RPTOR: variants seen among roughly 807,000 people sequenced by gnomAD.
RPTOR encodes regulatory-associated protein of mTOR.
RPTOR carries 21 observed loss-of-function variants against 169.9 expected under a neutral mutation model. The observed-to-expected ratio is 0.12, with a 90% confidence interval of 0.09 to 0.18. The LOEUF is 0.18. Ranked by LOEUF, RPTOR falls within the 10% of genes least tolerant of loss-of-function variation. RPTOR has a pLI of 1.00. For synonymous variants in RPTOR, 732 were observed against 753.2 expected (o/e 0.97, Z 0.46); for missense variants, 1,133 against 1,855.9 (o/e 0.61, Z 7.16).
chr17:80,847,217 C>T (rs569449840), intron 11 of RPTOR, among the ~76,000 whole-genome samples: 12 of 152,372 alleles, frequency 7.9e-5, no homozygotes, highest in African/African-American at 2.6e-4. Context: ...CCAGTGCCCA[C>T]GGGGCCCGTG....
chr17:80,847,936 C>T (rs774791041), intron 11 of RPTOR, among the ~76,000 whole-genome samples: 1 of 152,268 alleles, frequency 6.6e-6, no homozygotes, highest in Non-Finnish European at 1.5e-5. Flanking sequence ...CGGCCATGGC[C>T]TCAGCAGCCT....
At chr17:80,964,196 C>A in intron 33 of RPTOR, 66 bp from the exon 34 acceptor site, 4 of 1,008,816 alleles carry the variant, frequency 4.0e-6, no homozygotes, top group Non-Finnish European at 6.1e-6. Flanking sequence ...TTGGCCTGCG[C>A]CCCCCCGCCC....
intron 26 of RPTOR, among the ~76,000 whole-genome samples, chr17:80,946,174 T>G (rs2069101503): frequency 6.6e-6 from 1 of 152,092 alleles, no homozygotes; most frequent in South Asian, 2.1e-4. Flanking sequence ...AGAAGTGAGT[T>G]TAACTCACAG....
chr17:80,855,002 T>C (rs2067836823), intron 11 of RPTOR, among the ~76,000 whole-genome samples: 1 of 152,248 alleles, frequency 6.6e-6, no homozygotes, highest in Non-Finnish European at 1.5e-5. Flanking sequence ...ATAACGGAAG[T>C]ACTGTGCCGC....
intron 6 of RPTOR, among the ~76,000 whole-genome samples, chr17:80,763,729 G>A (rs533893483): frequency 7.9e-5 from 12 of 152,286 alleles, no homozygotes; most frequent in East Asian, 3.9e-4. Flanking sequence ...TTACTAATCC[G>A]GAAGAATCAG....
At chr17:80,795,546 C>A (rs2067092340) in intron 7 of RPTOR, among the ~76,000 whole-genome samples, 1 of 151,916 alleles carries the variant, frequency 6.6e-6, no homozygotes. Context: ...ATGAAGGTGG[C>A]TAAATGCTAA....
chr17:80,743,308 G>A (rs2066503271), intron 5 of RPTOR: 2 of 985,570 alleles, frequency 2.0e-6, no homozygotes, highest in Non-Finnish European at 2.4e-6. Flanking sequence ...CATCTGGCAG[G>A]GGGCAGGGCG....
intron 2 of RPTOR, among the ~76,000 whole-genome samples, chr17:80,638,465 G>C (rs1386916757): frequency 7.2e-6 from 1 of 139,440 alleles, no homozygotes; most frequent in Admixed American, 7.5e-5. Flanking sequence ...GCAGTGGTGT[G>C]ATCATGGCTC....
At chr17:80,949,370 T>TA (rs1227927734) in intron 27 of RPTOR, 73 bp from the exon 28 acceptor site, 5 of 1,281,656 alleles carry the variant, frequency 3.9e-6, no homozygotes, top group Non-Finnish European at 5.7e-6. Context: ...GAAGGGCTCT[T>TA]ACCACCACGC....
intron 31 of RPTOR, among the ~76,000 whole-genome samples, chr17:80,961,976 T>G (rs1197170226): frequency 6.6e-6 from 1 of 152,142 alleles, no homozygotes; most frequent in Non-Finnish European, 1.5e-5. Flanking sequence ...GTTTGTGATA[T>G]AAAAACCAAA....
At chr17:80,762,530 A>G (rs551127974) in intron 6 of RPTOR, among the ~76,000 whole-genome samples, 62 of 152,370 alleles carry the variant, frequency 4.1e-4, no homozygotes, top group Non-Finnish European at 4.9e-4. Flanking sequence ...GAGGGTGGAA[A>G]GAAAGAGTTT....
chr17:80,643,886 G>T (rs2143597959), intron 3 of RPTOR, 76 bp downstream of exon 3: 1 of 1,172,594 alleles, frequency 8.5e-7, no homozygotes. Flanking sequence ...ACACTCTTTG[G>T]ATCCAAGTGA....
chr17:80,575,838 A>T (rs1017032580), intron 1 of RPTOR, among the ~76,000 whole-genome samples: 1 of 152,142 alleles, frequency 6.6e-6, no homozygotes, highest in Non-Finnish European at 1.5e-5. Flanking sequence ...AAATATGTCT[A>T]TTCTCCTTAT....
At chr17:80,918,002 A>C (rs12938555) in intron 21 of RPTOR, among the ~76,000 whole-genome samples, 124,395 of 152,188 alleles carry the variant, frequency 0.82, 51,061 homozygotes, top group Non-Finnish European at 0.86. Context: ...CACCTCCACC[A>C]CAAGGATGGA....
At chr17:80,773,599 G>T (rs2066865353) in intron 6 of RPTOR, among the ~76,000 whole-genome samples, 1 of 152,198 alleles carries the variant, frequency 6.6e-6, no homozygotes, top group Admixed American at 6.5e-5. Context: ...GGACTTGGTT[G>T]GAACCGTTAA....
At chr17:80,848,551 C>T (rs1044113008) in intron 11 of RPTOR, among the ~76,000 whole-genome samples, 1 of 152,234 alleles carries the variant, frequency 6.6e-6, no homozygotes, top group African/African-American at 2.4e-5. Flanking sequence ...TCCCTTCGTG[C>T]GACTGTAGAA....
intron 1 of RPTOR, among the ~76,000 whole-genome samples, chr17:80,585,198 TATTA>T (rs1471482351): frequency 7.2e-4 from 107 of 147,806 alleles, no homozygotes; most frequent in African/African-American, 2.3e-3. Flanking sequence ...TTATTATTAT[TATTA>T]TTTTTGTTTT....
intron 1 of RPTOR, among the ~76,000 whole-genome samples, chr17:80,567,685 G>A (rs1189728986): frequency 2.0e-5 from 3 of 151,674 alleles, no homozygotes; most frequent in African/African-American, 7.3e-5. Flanking sequence ...CCAGCTACTT[G>A]GAAGGCCAAG....
chr17:80,561,807 T>G (rs899278436), intron 1 of RPTOR, among the ~76,000 whole-genome samples: 18 of 152,130 alleles, frequency 1.2e-4, no homozygotes, highest in African/African-American at 4.3e-4. Context: ...TCTGAGTGTG[T>G]ACGTGTGTTT....
Sources: gnomAD v4.1 joint callset for allele counts (sites outside exome capture counted in the v4.1 genomes callset) on GRCh38, gnomAD v4.1.1 for gene constraint, MANE v1.5 for transcripts, NCBI Gene and HGNC (gene_info 2026-07-23, HGNC 2026-07-21) for gene names.